Variants in ADARB2 observed in about 807,000 individuals in gnomAD.
The protein encoded by ADARB2 is adenosine deaminase RNA specific B2 (inactive).
A neutral mutation model predicts 62.2 loss-of-function variants in ADARB2; 25 were observed. The observed-to-expected ratio is 0.40, with a 90% CI of 0.29 to 0.56. The LOEUF (loss-of-function observed/expected upper bound fraction) is 0.56, where lower values mean the gene tolerates loss of function less well. Among genes scored for constraint, ADARB2 ranks in the 20% least tolerant of loss-of-function variants. The pLI is 0.43. For synonymous variants in ADARB2, 572 were observed against 500.8 expected (o/e 1.14, Z -1.90); for missense variants, 1,071 against 1,077.4 (o/e 0.99, Z 0.08).
intron 1 of ADARB2, among the ~76,000 whole-genome samples, chr10:1,718,376 G>T (rs1835047813): frequency 6.6e-6 from 1 of 152,202 alleles, no homozygotes; most frequent in Non-Finnish European, 1.5e-5. Context: ...TAGGGAGGCT[G>T]CTTCCTCCCA....
chr10:1,269,282 TTC>T (rs1222029504), intron 4 of ADARB2, among the ~76,000 whole-genome samples: 1 of 152,232 alleles, frequency 6.6e-6, no homozygotes, highest in Non-Finnish European at 1.5e-5. Flanking sequence ...TCTTTTATAG[TTC>T]TTTTATATTG....
chr10:1,528,143 C>T (rs977774339), intron 1 of ADARB2, among the ~76,000 whole-genome samples: 4 of 152,214 alleles, frequency 2.6e-5, no homozygotes, highest in Admixed American at 1.3e-4. Context: ...CTGTGGGCTA[C>T]GTTCTCGCCA....
intron 1 of ADARB2, among the ~76,000 whole-genome samples, chr10:1,641,569 A>G (rs1036103899): frequency 1.3e-5 from 2 of 152,256 alleles, no homozygotes; most frequent in Admixed American, 1.3e-4. Flanking sequence ...TTAAGGTCTT[A>G]GGGAGCACCT....
intron 1 of ADARB2, among the ~76,000 whole-genome samples, chr10:1,581,986 G>A (rs1299995112): frequency 2.0e-5 from 3 of 152,114 alleles, no homozygotes; most frequent in Non-Finnish European, 4.4e-5. Flanking sequence ...CCTACTCACT[G>A]CGGTCCACTG....
At chr10:1,554,562 C>A (rs1832674342) in intron 1 of ADARB2, among the ~76,000 whole-genome samples, 1 of 152,048 alleles carries the variant, frequency 6.6e-6, no homozygotes, top group Non-Finnish European at 1.5e-5. Flanking sequence ...GAGGTGACTT[C>A]AGGGCACAGA....
chr10:1,499,764 G>C (rs1219148397), intron 1 of ADARB2, among the ~76,000 whole-genome samples: 1 of 150,964 alleles, frequency 6.6e-6, no homozygotes, highest in Non-Finnish European at 1.5e-5. Flanking sequence ...CTTATTACTT[G>C]TTACTCACTC....
At chr10:1,387,159 A>C (rs533418210) in intron 1 of ADARB2, among the ~76,000 whole-genome samples, 2 of 151,994 alleles carry the variant, frequency 1.3e-5, no homozygotes, top group Non-Finnish European at 2.9e-5. Flanking sequence ...TGCTTATATT[A>C]GAAACAAAGA....
At chr10:1,466,826 G>T (rs1167507481) in intron 1 of ADARB2, among the ~76,000 whole-genome samples, 1 of 152,200 alleles carries the variant, frequency 6.6e-6, no homozygotes, top group Non-Finnish European at 1.5e-5. Context: ...CTTATCAGAA[G>T]CCGCCTGGGT....
intron 8 of ADARB2, among the ~76,000 whole-genome samples, chr10:1,193,165 C>T (rs1302119566): frequency 6.6e-6 from 1 of 152,148 alleles, no homozygotes; most frequent in African/African-American, 2.4e-5. Context: ...GCAGTGATGT[C>T]CGGGGATGCC....
intron 1 of ADARB2, among the ~76,000 whole-genome samples, chr10:1,558,248 C>T (rs1054832871): frequency 6.7e-5 from 10 of 148,414 alleles, no homozygotes; most frequent in African/African-American, 2.5e-4. Context: ...GGTGCTCAGA[C>T]CCCGCATGCT....
At chr10:1,672,213 C>A (rs186395187) in intron 1 of ADARB2, among the ~76,000 whole-genome samples, 77 of 152,250 alleles carry the variant, frequency 5.1e-4, no homozygotes, top group African/African-American at 1.5e-3. Context: ...ACTGCCAACG[C>A]CCCGTCTTTC....
Position 1,553,538 on chromosome 10 carries a change from C to T in ADARB2, c.101-174378G>A, listed in dbSNP as rs1201267544. On this transcript the variant is annotated intron_variant, in intron 1 of 9. Transcript: ENST00000381312. ...CTCAAAGGAAGGATGCAGTTTGCGC[C>T]GTCGAAAATGGAAATCAAAGGAACG... 2.6e-5 allele frequency among the ~76,000 whole-genome samples: 4 copies of T among 152,282 alleles called. No individual in the cohort carries two copies. In the East Asian group the frequency reaches 7.7e-4, roughly 29 times the overall value.
intron 1 of ADARB2, among the ~76,000 whole-genome samples, chr10:1,489,303 C>G (rs1831590747): frequency 6.7e-6 from 1 of 149,378 alleles, no homozygotes; most frequent in Admixed American, 6.6e-5. Context: ...TTCAGCAAGG[C>G]GTGACAGTGC....
intron 1 of ADARB2, among the ~76,000 whole-genome samples, chr10:1,626,431 G>A (rs1488600185): frequency 2.0e-5 from 3 of 151,274 alleles, no homozygotes; most frequent in Non-Finnish European, 4.4e-5. Flanking sequence ...GATCTCGGAC[G>A]CTAACCCCAC....
chr10:1,658,323 G>A (rs1162697626), intron 1 of ADARB2, among the ~76,000 whole-genome samples: 1 of 150,254 alleles, frequency 6.7e-6, no homozygotes, highest in African/African-American at 2.5e-5. Flanking sequence ...ATCTGATTCT[G>A]TCTCTCTCTG....
At chr10:1,649,806 A>G (rs1007712355) in intron 1 of ADARB2, among the ~76,000 whole-genome samples, 4 of 152,230 alleles carry the variant, frequency 2.6e-5, no homozygotes, top group Admixed American at 6.5e-5. Context: ...AGAGTGCTGT[A>G]TCTATTCAGG....
chr10:1,532,908 G>T (rs1713080383), intron 1 of ADARB2, among the ~76,000 whole-genome samples: 1 of 152,122 alleles, frequency 6.6e-6, no homozygotes, highest in Non-Finnish European at 1.5e-5. Flanking sequence ...GCTGCCCCAG[G>T]AGCCTCGCCT....
chr10:1,585,696 G>C (rs992659864), intron 1 of ADARB2, among the ~76,000 whole-genome samples: 2 of 152,128 alleles, frequency 1.3e-5, no homozygotes, highest in Non-Finnish European at 2.9e-5. Context: ...TACATTTTAC[G>C]CAGACTGATA....
chr10:1,284,496 G>A (rs767619938), intron 3 of ADARB2, among the ~76,000 whole-genome samples: 2 of 152,194 alleles, frequency 1.3e-5, no homozygotes, highest in East Asian at 1.9e-4. Context: ...CCCACAGCAC[G>A]GGTAGCACCC....
Sources: allele counts gnomAD v4.1 joint callset (sites outside exome capture counted in the v4.1 genomes callset), GRCh38; gene constraint gnomAD v4.1.1; transcripts MANE v1.5; gene names NCBI Gene and HGNC (gene_info 2026-07-23, HGNC 2026-07-21).